FAT1: variants seen among roughly 807,000 people sequenced by gnomAD.
The protein encoded by FAT1 is FAT atypical cadherin 1.
In FAT1, 171 loss-of-function variants were observed where a neutral mutation model predicts 329.8. The ratio of observed to expected loss-of-function variants is 0.52; its 90% CI spans 0.46 to 0.59. The LOEUF is 0.59. Among genes scored for constraint, FAT1 ranks in the 20% least tolerant of loss-of-function variants. The pLI, the probability that FAT1 is intolerant of heterozygous loss-of-function variation, is 0.00. For missense variants in FAT1, 5,672 were observed against 5,774.4 expected, an observed-to-expected ratio of 0.98 and a Z score of 0.57; for synonymous variants, 2,233 against 2,228.6, an observed-to-expected ratio of 1.00 and a Z score of -0.06.
chr4:186,604,613 G>T (rs1377804564), intron 17 of FAT1, 39 bp from the exon 18 acceptor site: 3 of 1,418,436 alleles, frequency 2.1e-6, no homozygotes, highest in Non-Finnish European at 2.9e-6. Context: ...AAAAATCCTG[G>T]AACACAGCCA....
chr4:186,725,104 T>C (rs1302376529), upstream of FAT1, among the ~76,000 whole-genome samples: 1 of 152,064 alleles, frequency 6.6e-6, no homozygotes, highest in African/African-American at 2.4e-5. This position sits in a 1 kb window ranked among gnomAD's most constrained non-coding sequence, Gnocchi z 5.4. Context: ...GGAATACACA[T>C]AGATTCACAC....
chr4:186,642,838 C>T (rs1443747234), intron 3 of FAT1, among the ~76,000 whole-genome samples: 2 of 152,144 alleles, frequency 1.3e-5, no homozygotes, highest in Non-Finnish European at 2.9e-5. Flanking sequence ...AATAGCGGGC[C>T]GATCTTCAAC....
At chr4:186,666,942 T>C (rs915571304) in intron 2 of FAT1, among the ~76,000 whole-genome samples, 1 of 152,212 alleles carries the variant, frequency 6.6e-6, no homozygotes, top group Admixed American at 6.5e-5. Context: ...TTGTCAGTCC[T>C]ACGGCTGTTA....
At position 186,663,376 on chromosome 4, in the gene FAT1, G is replaced by A. The variant is rs200633985; in HGVS notation, c.3503C>T (p.Ser1168Leu). 7,799 of 1,613,914 alleles carry A rather than the reference G, an allele frequency of 4.8e-3. 27 individuals are homozygous for A. The highest frequency in any genetic ancestry group is 5.7e-3 in the Non-Finnish European group (6,727 of 1,179,858). The change falls in exon 3 of 27, where the codon TCG becomes TTG. Residue 1168 changes from serine to leucine, a missense_variant. Around this residue, in one of 2 missense-constraint regions of FAT1, gnomAD observed 3,966 missense variants for 3,915.2 expected, o/e 1.01. Coordinates refer to ENST00000441802, the MANE Select transcript of FAT1 (RefSeq NM_005245.4). Reference sequence around the variant, plus strand: ...GTACATGAGCTTGTCATTAGAGCTCGAATCTGGATCAAATGCCTCGATCTG... The same window carrying A: ...GTACATGAGCTTGTCATTAGAGCTCAAATCTGGATCAAATGCCTCGATCTG... ...VVQIEAFDPD[S>L]SSNDKLMYKI... is the part of the protein sequence containing the mutation.
At chr4:186,687,070 A>T (rs1743502215) in intron 2 of FAT1, among the ~76,000 whole-genome samples, 1 of 152,192 alleles carries the variant, frequency 6.6e-6, no homozygotes, top group Non-Finnish European at 1.5e-5. Context: ...CTTTTTAAAC[A>T]ATTAATTAAT....
chr4:186,692,573 A>G (rs1396429402), intron 2 of FAT1, among the ~76,000 whole-genome samples: 1 of 152,086 alleles, frequency 6.6e-6, no homozygotes, highest in Non-Finnish European at 1.5e-5. Context: ...CGGCCTCCCA[A>G]AGTGCTGGGA....
At chr4:186,660,596 C>T (rs972551636) in intron 3 of FAT1, among the ~76,000 whole-genome samples, 4 of 152,210 alleles carry the variant, frequency 2.6e-5, no homozygotes, top group Non-Finnish European at 2.9e-5. Flanking sequence ...TGCCGCCCTG[C>T]CAGCGGAGTG....
rs1739117263 is a variant in FAT1, at chr4:186,606,017, T to C, written c.10350+53A>G. 4 of 1,550,440 alleles carry C rather than the reference T, an allele frequency of 2.6e-6. No homozygotes were observed. In the South Asian group the frequency reaches 3.5e-5, roughly 14 times the overall value. On this transcript the variant is annotated intron_variant, in intron 17 of 26. Coordinates refer to ENST00000441802, the MANE Select transcript of FAT1 (RefSeq NM_005245.4). ...AAGAAAGAAAAGCAACAGAGGCCAA[T>C]GGAAAAGCTCATTTCAAAGAACCCC...
chr4:186,699,139 C>T (rs1268346280), intron 2 of FAT1, among the ~76,000 whole-genome samples: 4 of 151,992 alleles, frequency 2.6e-5, no homozygotes, highest in South Asian at 2.1e-4. Context: ...ACTCACTAAA[C>T]GTTAACTATA....
intron 2 of FAT1, among the ~76,000 whole-genome samples, chr4:186,689,323 TC>T (rs1212258500): frequency 6.6e-6 from 1 of 152,216 alleles, no homozygotes; most frequent in East Asian, 1.9e-4. Context: ...TGAGGGAACT[TC>T]AATAACAAAT....
chr4:186,588,427 G>C lies in FAT1; in HGVS notation c.*165C>G, dbSNP rs1738057928. 1 of 752,670 alleles carries C rather than the reference G, an allele frequency of 1.3e-6. No homozygotes were observed. The highest frequency in any genetic ancestry group is 2.1e-6 in the Non-Finnish European group (1 of 480,508). The allele number at this position is 752,670 out of a possible 1,614,324, so 46.6% of individuals were successfully genotyped here. A position where few individuals can be genotyped will look rare whatever the true frequency, so the allele number is the denominator to read the frequency against. On this transcript the variant is annotated 3_prime_UTR_variant, in exon 27 of 27. Coordinates refer to ENST00000441802, the MANE Select transcript of FAT1 (RefSeq NM_005245.4). ...TGAAAACCTCACGATGACAGTAGTT[G>C]GGACACTGGAAATGGCTAGCACGTC...
chr4:186,644,899 G>A (rs984689960), intron 3 of FAT1, among the ~76,000 whole-genome samples: 7 of 152,214 alleles, frequency 4.6e-5, no homozygotes, highest in Non-Finnish European at 8.8e-5. Flanking sequence ...CTCAGAAAGT[G>A]GAGATAAGAC....
In FAT1 at chr4:186,709,421, C is replaced by G. The variant is rs746865704; in HGVS notation, c.407G>C (p.Arg136Thr). 26 of 1,613,946 alleles carry G rather than the reference C, an allele frequency of 1.6e-5. No individual in the cohort carries two copies. The highest frequency in any genetic ancestry group is 2.2e-5 in the Non-Finnish European group (26 of 1,179,888). ...NTNVEARTKV[R>T]VQVLDTNDLR... ...GTCATTTGTATCCAGCACCTGCACCCTGACCTTTGTTCGCGCCTCCACATT... is the reference window on the plus strand; with the variant it reads ...GTCATTTGTATCCAGCACCTGCACCGTGACCTTTGTTCGCGCCTCCACATT... Residue 136 changes from arginine to threonine, a missense_variant, in exon 2 of 27, where the codon AGG becomes ACG. Arg to Thr is a moderately conservative substitution (Grantham distance 71). Around this residue, in one of 2 missense-constraint regions of FAT1, gnomAD observed 3,966 missense variants for 3,915.2 expected, o/e 1.01. Coordinates refer to ENST00000441802, the MANE Select transcript of FAT1 (RefSeq NM_005245.4).
intron 24 of FAT1, among the ~76,000 whole-genome samples, 162 bp downstream of exon 24, chr4:186,597,520 C>T (rs1738589918): frequency 6.6e-6 from 1 of 151,774 alleles, no homozygotes; most frequent in African/African-American, 2.4e-5. Flanking sequence ...CTTGATAATT[C>T]ATTTTAAAGA....
Position 186,721,572 on chromosome 4 carries a change from T to C in FAT1, c.-19+2092A>G, listed in dbSNP as rs563990231. On this transcript the variant is annotated intron_variant, in intron 1 of 26. Transcript: ENST00000441802. ...CTCCCTGCTATTAAATCAGGTCCTTTAGGCTACAAATTATGCCACTGAGAC... is the reference window on the plus strand; with the variant it reads ...CTCCCTGCTATTAAATCAGGTCCTTCAGGCTACAAATTATGCCACTGAGAC... 6.8e-4 allele frequency among the ~76,000 whole-genome samples: 103 copies of C among 152,378 alleles called. 1 individual carries two copies. The highest frequency in any genetic ancestry group is 1.6e-4 in the Non-Finnish European group (11 of 68,034).
rs180764954 is a variant in FAT1, at chr4:186,594,656, A to G, written c.13138+1033T>C. ...TGTGTTGATTAGGAATAGAGTGTGT[A>G]TATATATATATACTTGAAAGTATAT... On this transcript the variant is annotated intron_variant, in intron 26 of 26. Transcript: ENST00000441802. Among the ~76,000 whole-genome samples the G allele has an allele frequency of 4.1e-3, 474 of 116,834 alleles. 2 individuals are homozygous for G. The highest frequency in any genetic ancestry group is 0.015 in the African/African-American group (436 of 29,494). 76.6% of individuals were successfully genotyped at this position (116,834 alleles called of 152,430 possible).
In FAT1 at chr4:186,620,529, T is replaced by C. The variant is rs1560942754; in HGVS notation, c.6057A>G (p.Pro2019=). Residue 2019 remains proline (P), a synonymous_variant, in exon 10 of 27, where the codon CCA becomes CCG. Coordinates refer to ENST00000441802, the MANE Select transcript of FAT1 (RefSeq NM_005245.4). ...NEPLFYHILN[P]DRRFKISRTS... Reference sequence around the variant, plus strand: ...TGCGGCTTATTTTAAATCTGCGATCTGGGTTGAGGATGTGATAAAACAAAG... The same window carrying C: ...TGCGGCTTATTTTAAATCTGCGATCCGGGTTGAGGATGTGATAAAACAAAG... 6.2e-7 allele frequency: 1 copy of C among 1,614,016 alleles called. No individual in the cohort carries two copies.
intron 2 of FAT1, among the ~76,000 whole-genome samples, chr4:186,687,100 T>C (rs1743503071): frequency 6.6e-6 from 1 of 152,112 alleles, no homozygotes; most frequent in Non-Finnish European, 1.5e-5. Context: ...TAAGCCTCAA[T>C]ATGCACTGGG....
At chr4:186,643,257 G>GT (rs1741185610) in intron 3 of FAT1, among the ~76,000 whole-genome samples, 1 of 152,130 alleles carries the variant, frequency 6.6e-6, no homozygotes, top group Non-Finnish European at 1.5e-5. Flanking sequence ...GACGGCACCG[G>GT]TCTACTCAGG....
Sources: gnomAD v4.1 joint callset for allele counts (sites outside exome capture counted in the v4.1 genomes callset) on GRCh38, gnomAD v4.1.1 for gene constraint, gnomAD v4.1.1 regional missense constraint, Gnocchi (gnomAD v3.1) non-coding constraint, MANE v1.5 for transcripts, NCBI Gene and HGNC (gene_info 2026-07-23, HGNC 2026-07-21) for gene names.